Variants in JUN observed in about 807,000 individuals in gnomAD.
JUN encodes the protein Jun proto-oncogene, AP-1 transcription factor subunit.
In JUN, 7 loss-of-function variants were observed where a neutral mutation model predicts 19.7. The ratio of observed to expected loss-of-function variants is 0.36; its 90% CI spans 0.20 to 0.67. The LOEUF (loss-of-function observed/expected upper bound fraction) is 0.67, where lower values mean the gene tolerates loss of function less well. Ranked by LOEUF, JUN falls within the 30% of genes least tolerant of loss-of-function variation. JUN has a pLI of 0.64. For missense variants in JUN, 373 were observed against 451.0 expected (o/e 0.83, Z 1.57); for synonymous variants, 246 against 206.9 (o/e 1.19, Z -1.62).
Position 58,782,204 on chromosome 1 carries a change from A to G in JUN, c.867T>C (p.Ala289=), listed in dbSNP as rs1645580241. The G allele has an allele frequency of 1.2e-6, 2 of 1,614,024 alleles. No individual in the cohort carries two copies. The highest frequency in any genetic ancestry group is 1.7e-6 in the Non-Finnish European group (2 of 1,180,028). Residue 289 remains alanine (A), a synonymous_variant, in exon 1 of 1, where the codon GCT becomes GCC. Transcript: ENST00000371222. This position sits in a 1 kb window ranked among gnomAD's most constrained non-coding sequence, Gnocchi z 8.7. ...CCGTGGACGCCAGCTCCGAGTTCTG[A>G]GCTTTCAAGGTTTTCACTTTTTCCT... ...RLEEKVKTLK[A]QNSELASTAN...
Position 58,781,918 on chromosome 1 carries a change from G to A in JUN, c.*157C>T. 3.0e-6 allele frequency: 2 copies of A among 669,684 alleles called. No homozygotes were observed. Among genetic ancestry groups the A allele is most frequent in the Non-Finnish European group, 5.1e-6 (2 of 393,122 alleles). The allele number at this position is 669,684 out of a possible 1,614,324, so 41.5% of individuals were successfully genotyped here. On this transcript the variant is annotated 3_prime_UTR_variant, in exon 1 of 1. Coordinates refer to ENST00000371222, the MANE Select transcript of JUN (RefSeq NM_002228.4). Reference sequence around the variant, plus strand: ...GTCCTTCCCACTCGTGCACACTGGGGGCGCCGTCAGGACGCAACCCAGTCC... The same window carrying A: ...GTCCTTCCCACTCGTGCACACTGGGAGCGCCGTCAGGACGCAACCCAGTCC...
rs1242424809 is a variant in JUN, at chr1:58,782,715, G to A, written c.356C>T (p.Ala119Val). The A allele has an allele frequency of 1.2e-6, 2 of 1,605,574 alleles. No individual in the cohort carries two copies. The change falls in exon 1 of 1, where the codon GCC (alanine) becomes GTC (valine). Residue 119 changes from alanine to valine, a missense_variant. By Grantham distance (64) the Ala-to-Val change is moderately conservative (BLOSUM62 0). Around this residue, in one of 4 missense-constraint regions of JUN, gnomAD observed 173 missense variants for 154.5 expected, o/e 1.12. Coordinates refer to ENST00000371222, the MANE Select transcript of JUN (RefSeq NM_002228.4). This position sits in a 1 kb window ranked among gnomAD's most constrained non-coding sequence, Gnocchi z 8.7. ...GFAEGFVRAL[A>V]ELHSQNTLPS... ...CAGCGTGTTCTGGCTGTGCAGTTCGGCCAGGGCGCGCACGAAGCCCTCGGC... is the reference window on the plus strand; with the variant it reads ...CAGCGTGTTCTGGCTGTGCAGTTCGACCAGGGCGCGCACGAAGCCCTCGGC...
rs1033866881 is a variant in JUN at position 58,781,957 on chromosome 1, T to C, written c.*118A>G. On this transcript the variant is annotated 3_prime_UTR_variant, in exon 1 of 1. Transcript: ENST00000371222. The stretch of plus-strand genomic sequence containing the variant: ...GCAACCCAGTCCAACTTGGATACCC[T>C]TGGCTTTAGTTCTCGGACACTTCTT... The C allele has an allele frequency of 1.3e-5, 12 of 903,348 alleles. No homozygotes were observed. In the African/African-American group the frequency reaches 1.8e-4, roughly 14 times the overall value. 56.0% of individuals were successfully genotyped at this position (903,348 alleles called of 1,614,324 possible). A position where few individuals can be genotyped will look rare whatever the true frequency, so the allele number is the denominator to read the frequency against.
rs1397759780 is a variant in JUN at position 58,783,246 on chromosome 1, A to T, written c.-176T>A. 7.6e-6 allele frequency: 7 copies of T among 920,208 alleles called. No homozygotes were observed. Among genetic ancestry groups the T allele is most frequent in the South Asian group, 1.8e-5 (1 of 54,380 alleles). The allele number at this position is 920,208 out of a possible 1,614,324, so 57.0% of individuals were successfully genotyped here. ...TCGTCCCCGCTGCGCCCTCCTCACC[A>T]GCTCGCTCCAGGGAGCGCAGGGTTA... On this transcript the variant is annotated 5_prime_UTR_variant, in exon 1 of 1. Coordinates refer to ENST00000371222, the MANE Select transcript of JUN (RefSeq NM_002228.4).
At position 58,781,678 on chromosome 1, in the gene JUN, A is replaced by G; in HGVS notation, c.*397T>C. 7.9e-6 allele frequency: 1 copy of G among 125,954 alleles called. No homozygotes were observed. Among genetic ancestry groups the G allele is most frequent in the Admixed American group, 1.0e-4 (1 of 9,866 alleles). The allele number at this position is 125,954 out of a possible 1,614,324, so 7.8% of individuals were successfully genotyped here. A position where few individuals can be genotyped will look rare whatever the true frequency, so the allele number is the denominator to read the frequency against. ...CCCCCGCTTTGTGTTCTTAAGGAGT[A>G]CTACAGAAGCAATCTACAGTCTCTA... On this transcript the variant is annotated 3_prime_UTR_variant, in exon 1 of 1. Coordinates refer to ENST00000371222, the MANE Select transcript of JUN (RefSeq NM_002228.4).
chr1:58,782,020 G>C lies in JUN; in HGVS notation c.*55C>G, dbSNP rs932719049. On this transcript the variant is annotated 3_prime_UTR_variant, in exon 1 of 1. Transcript: ENST00000371222. The surrounding 1 kb of genome is among the most constrained non-coding windows in gnomAD (Gnocchi z 8.7). Reference sequence around the variant, plus strand: ...CGCAACTTGTCAAGTTCTCAAGTCTGTCTCTCTGTGTTATTTTTTTTCTTC... The same window carrying C: ...CGCAACTTGTCAAGTTCTCAAGTCTCTCTCTCTGTGTTATTTTTTTTCTTC... 2.2e-6 allele frequency: 3 copies of C among 1,386,408 alleles called. No homozygotes were observed. In the African/African-American group the frequency reaches 4.3e-5, roughly 20 times the overall value. 85.9% of individuals were successfully genotyped at this position (1,386,408 alleles called of 1,614,324 possible).
At position 58,781,127 on chromosome 1, in the gene JUN, G is replaced by GGGGAGGAGGAGTATAA. The variant is rs566405410; in HGVS notation, c.*932_*947dup. 398 of 233,236 alleles carry GGGGAGGAGGAGTATAA rather than the reference G, an allele frequency of 1.7e-3. 1 individual carries two copies. Among genetic ancestry groups the GGGGAGGAGGAGTATAA allele is most frequent in the African/African-American group, 8.3e-3 (377 of 45,434 alleles). 14.4% of individuals were successfully genotyped at this position (233,236 alleles called of 1,614,324 possible). A position where few individuals can be genotyped will look rare whatever the true frequency, so the allele number is the denominator to read the frequency against. On this transcript the variant is annotated 3_prime_UTR_variant, in exon 1 of 1. Transcript: ENST00000371222. ...GTAAGCAATTCCATATAGATAGCTG[G>GGGGAGGAGGAGTATAA]GGGAGGAGGAGTATAACCTGACCAT...
At position 58,781,784 on chromosome 1, in the gene JUN, T is replaced by C. The variant is rs1466857208; in HGVS notation, c.*291A>G. On this transcript the variant is annotated 3_prime_UTR_variant, in exon 1 of 1. Coordinates refer to ENST00000371222, the MANE Select transcript of JUN (RefSeq NM_002228.4). The stretch of plus-strand genomic sequence containing the variant: ...TTAGGTCCATGCAGTTCTTGGTCAA[T>C]GTTAACGAAAAGTCCAACGTTCCGT... 1 of 444,684 alleles carries C rather than the reference T, an allele frequency of 2.2e-6. No individual in the cohort carries two copies. The highest frequency in any genetic ancestry group is 4.1e-6 in the Non-Finnish European group (1 of 246,224). 27.5% of individuals were successfully genotyped at this position (444,684 alleles called of 1,614,324 possible). A position where few individuals can be genotyped will look rare whatever the true frequency, so the allele number is the denominator to read the frequency against.
chr1:58,782,059 C>T lies in JUN; in HGVS notation c.*16G>A. 6.3e-7 allele frequency: 1 copy of T among 1,595,130 alleles called. No homozygotes were observed. On this transcript the variant is annotated 3_prime_UTR_variant, in exon 1 of 1. Transcript: ENST00000371222. The surrounding 1 kb of genome is among the most constrained non-coding windows in gnomAD (Gnocchi z 8.7). ...TTTTTTTTCTTCGTTGCCCCTCAGC[C>T]CCCGACGGTCTCTCTTCAAAATGTT...
rs930767622 is a variant in JUN at position 58,781,477 on chromosome 1, AACAAGAAATAACTT to A, written c.*584_*597del. The A allele has an allele frequency of 4.5e-6, 1 of 224,676 alleles. No homozygotes were observed. The highest frequency in any genetic ancestry group is 2.2e-5 in the African/African-American group (1 of 44,798). The allele number at this position is 224,676 out of a possible 1,614,324, so 13.9% of individuals were successfully genotyped here. A position where few individuals can be genotyped will look rare whatever the true frequency, so the allele number is the denominator to read the frequency against. ...ACTGGGCAGGATACCCAAACAAACA[AACAAGAAATAACTT>A]ACAAAGGCATGAAGCTGTTTATTGA... On this transcript the variant is annotated 3_prime_UTR_variant, in exon 1 of 1. Coordinates refer to ENST00000371222, the MANE Select transcript of JUN (RefSeq NM_002228.4).
In JUN at chr1:58,782,147, A is replaced by C; in HGVS notation, c.924T>G (p.Leu308=). 6.2e-7 allele frequency: 1 copy of C among 1,614,192 alleles called. No individual in the cohort carries two copies. Among genetic ancestry groups the C allele is most frequent in the Non-Finnish European group, 8.5e-7 (1 of 1,180,046 alleles). Residue 308 remains leucine (L), a synonymous_variant, in exon 1 of 1, where the codon CTT becomes CTG. Transcript: ENST00000371222. This position sits in a 1 kb window ranked among gnomAD's most constrained non-coding sequence, Gnocchi z 8.7. The part of the protein sequence containing the change: ...ANMLREQVAQ[L]KQKVMNHVNS... Reference sequence around the variant, plus strand: ...TAACGTGGTTCATGACTTTCTGTTTAAGCTGTGCCACCTGTTCCCTGAGCA... The same window carrying C: ...TAACGTGGTTCATGACTTTCTGTTTCAGCTGTGCCACCTGTTCCCTGAGCA...
At position 58,782,657 on chromosome 1, in the gene JUN, G is replaced by A. The variant is rs1296742968; in HGVS notation, c.414C>T (p.Asn138=). 1.3e-6 allele frequency: 2 copies of A among 1,590,408 alleles called. No individual in the cohort carries two copies. The highest frequency in any genetic ancestry group is 1.7e-5 in the Admixed American group (1 of 59,228). The change falls in exon 1 of 1, where the codon AAC becomes AAT. Residue 138 remains asparagine, a synonymous_variant. Transcript: ENST00000371222. The surrounding 1 kb of genome is among the most constrained non-coding windows in gnomAD (Gnocchi z 8.7). ...CCGCGGGAGCCACCATGCCTGCCCCGTTGACCGGCTGCGCCGCCGACGTGA... is the reference window on the plus strand; with the variant it reads ...CCGCGGGAGCCACCATGCCTGCCCCATTGACCGGCTGCGCCGCCGACGTGA... ...PSVTSAAQPV[N]GAGMVAPAVA...
In JUN at chr1:58,781,518, A is replaced by G. The variant is rs1306800864; in HGVS notation, c.*557T>C. The G allele has an allele frequency of 4.5e-6, 1 of 224,526 alleles. No homozygotes were observed. Among genetic ancestry groups the G allele is most frequent in the Non-Finnish European group, 8.9e-6 (1 of 112,416 alleles). The allele number at this position is 224,526 out of a possible 1,614,324, so 13.9% of individuals were successfully genotyped here. A position where few individuals can be genotyped will look rare whatever the true frequency, so the allele number is the denominator to read the frequency against. On this transcript the variant is annotated 3_prime_UTR_variant, in exon 1 of 1. Coordinates refer to ENST00000371222, the MANE Select transcript of JUN (RefSeq NM_002228.4). ...CAAAGGCATGAAGCTGTTTATTGAC[A>G]GTAATCAGCTTTCATCAAATTAAAA...
chr1:58,783,145 C>A lies in JUN; in HGVS notation c.-75G>T, dbSNP rs1292551728. ...TTTCGGGGCCGCAACAGGGCTGTGG[C>A]AAGCGGGGGACACCCGCGCCCCCCG... is the stretch of plus-strand genomic sequence containing the variant. On this transcript the variant is annotated 5_prime_UTR_variant, in exon 1 of 1. Transcript: ENST00000371222. The A allele has an allele frequency of 1.5e-5, 23 of 1,534,430 alleles. No individual in the cohort carries two copies. The highest frequency in any genetic ancestry group is 1.1e-4 in the East Asian group (5 of 44,020).
At position 58,782,864 on chromosome 1, in the gene JUN, G is replaced by A; in HGVS notation, c.207C>T (p.Leu69=). Residue 69 remains leucine, a synonymous_variant, in exon 1 of 1, where the codon CTC becomes CTT. Transcript: ENST00000371222. This position sits in a 1 kb window ranked among gnomAD's most constrained non-coding sequence, Gnocchi z 8.7. ...DLLTSPDVGL[L]KLASPELERL... ...GCTCCAGCTCGGGCGACGCCAGCTT[G>A]AGCAGCCCCACGTCGGGCGAGGTGA... 1 of 1,614,178 alleles carries A rather than the reference G, an allele frequency of 6.2e-7. No individual in the cohort carries two copies. The highest frequency in any genetic ancestry group is 8.5e-7 in the Non-Finnish European group (1 of 1,180,044).
Position 58,782,290 on chromosome 1 carries a change from T to G in JUN, c.781A>C (p.Arg261=). The part of the protein sequence containing the change: ...ERIKAERKRM[R]NRIAASKCRK... Reference sequence around the variant, plus strand: ...CACTTGGAGGCAGCGATGCGGTTCCTCATGCGCTTCCTCTCCGCCTTGATC... The same window carrying G: ...CACTTGGAGGCAGCGATGCGGTTCCGCATGCGCTTCCTCTCCGCCTTGATC... Residue 261 remains arginine (R), a synonymous_variant, in exon 1 of 1, where the codon AGG becomes CGG. Coordinates refer to ENST00000371222, the MANE Select transcript of JUN (RefSeq NM_002228.4). The surrounding 1 kb of genome is among the most constrained non-coding windows in gnomAD (Gnocchi z 8.7). The G allele has an allele frequency of 6.2e-7, 1 of 1,614,276 alleles. No individual in the cohort carries two copies. The highest frequency in any genetic ancestry group is 8.5e-7 in the Non-Finnish European group (1 of 1,180,042).
Position 58,782,504 on chromosome 1 carries a change from G to C in JUN, c.567C>G (p.Ser189=), listed in dbSNP as rs571292563. 3 of 1,573,510 alleles carry C rather than the reference G, an allele frequency of 1.9e-6. No individual in the cohort carries two copies. The African/African-American group carries it at 4.0e-5, about 21-fold the overall frequency. Residue 189 remains serine, a synonymous_variant, in exon 1 of 1, where the codon TCC becomes TCG. Transcript: ENST00000371222. The surrounding 1 kb of genome is among the most constrained non-coding windows in gnomAD (Gnocchi z 8.7). ...GAAAGGCCAGGCCGGCCGCGCCGTA[G>C]GAGGGCGCCCCGCCGCCGCTGCTCA... ...GALSSGGGAP[S]YGAAGLAFPA... is the part of the protein sequence containing the mutation.
In JUN at chr1:58,783,956, C is replaced by G; in HGVS notation, c.-886G>C. 8.0e-6 allele frequency: 2 copies of G among 248,652 alleles called. No individual in the cohort carries two copies. Among genetic ancestry groups the G allele is most frequent in the Non-Finnish European group, 8.4e-6 (1 of 118,558 alleles). The allele number at this position is 248,652 out of a possible 1,614,324, so 15.4% of individuals were successfully genotyped here. On this transcript the variant is annotated 5_prime_UTR_variant, in exon 1 of 1. Coordinates refer to ENST00000371222, the MANE Select transcript of JUN (RefSeq NM_002228.4). ...TTGCAGTTCGGACTATACTGCCGAC[C>G]TGGCTGGCTGGCTGTGTCTGTCTGT...
chr1:58,782,840 C>T lies in JUN; in HGVS notation c.231G>A (p.Glu77=), dbSNP rs1645587617. 6.2e-7 allele frequency: 1 copy of T among 1,614,044 alleles called. No homozygotes were observed. Among genetic ancestry groups the T allele is most frequent in the East Asian group, 2.2e-5 (1 of 44,868 alleles). ...GLLKLASPEL[E]RLIIQSSNGH... ...CGTTGCTGGACTGGATTATCAGGCG[C>T]TCCAGCTCGGGCGACGCCAGCTTGA... is the stretch of plus-strand genomic sequence containing the variant. Residue 77 remains glutamate (E), a synonymous_variant, in exon 1 of 1, where the codon GAG becomes GAA. Coordinates refer to ENST00000371222, the MANE Select transcript of JUN (RefSeq NM_002228.4). This position sits in a 1 kb window ranked among gnomAD's most constrained non-coding sequence, Gnocchi z 8.7.
Sources: gnomAD v4.1 joint callset for allele counts on GRCh38, gnomAD v4.1.1 for gene constraint, gnomAD v4.1.1 regional missense constraint, Gnocchi (gnomAD v3.1) non-coding constraint, MANE v1.5 for transcripts, NCBI Gene and HGNC (gene_info 2026-07-23, HGNC 2026-07-21) for gene names.